GAS2: variants seen among roughly 807,000 people sequenced by gnomAD.
GAS2 encodes growth arrest specific 2, also known as growth arrest-specific protein 2.
In GAS2, 20 loss-of-function variants were observed where a neutral mutation model predicts 37.5. The ratio of observed to expected loss-of-function variants is 0.53; its 90% confidence interval spans 0.37 to 0.77. The LOEUF (loss-of-function observed/expected upper bound fraction) is 0.77, where lower values mean the gene tolerates loss of function less well. Ranked by LOEUF, GAS2 falls within the 30% of genes least tolerant of loss-of-function variation. GAS2 has a pLI of 0.00. For missense variants in GAS2, 336 were observed against 373.4 expected, an observed-to-expected ratio of 0.90 and a Z score of 0.82; for synonymous variants, 144 against 132.2, an observed-to-expected ratio of 1.09 and a Z score of -0.61.
intron 7 of GAS2, among the ~76,000 whole-genome samples, chr11:22,781,966 C>T (rs555523433): frequency 5.3e-5 from 8 of 152,222 alleles, no homozygotes; most frequent in African/African-American, 1.7e-4. Flanking sequence ...AAAATTGTTT[C>T]TTTATACTAA....
At chr11:22,626,141 T>G in intron 1 of GAS2, 1 of 255,986 alleles carries the variant, frequency 3.9e-6, no homozygotes, top group South Asian at 3.3e-5. Context: ...TAAGTAGAAA[T>G]TTTCTGAGCT....
At chr11:22,686,728 T>A (rs1849977853) in intron 3 of GAS2, among the ~76,000 whole-genome samples, 1 of 151,642 alleles carries the variant, frequency 6.6e-6, no homozygotes, top group African/African-American at 2.4e-5. Context: ...CCAGCCTGGG[T>A]GACAGAGTAG....
At chr11:22,660,018 A>C (rs190542876) in intron 1 of GAS2, among the ~76,000 whole-genome samples, 2 of 152,162 alleles carry the variant, frequency 1.3e-5, no homozygotes, top group African/African-American at 4.8e-5. Flanking sequence ...GGAAATGAGC[A>C]TATGTTCAAA....
In GAS2 at chr11:22,749,209, C is replaced by G. The variant is rs1853589259; in HGVS notation, c.563C>G (p.Pro188Arg). 1.9e-6 allele frequency: 3 copies of G among 1,612,592 alleles called. No homozygotes were observed. Among genetic ancestry groups the G allele is most frequent in the Non-Finnish European group, 2.5e-6 (3 of 1,179,142 alleles). The change falls in exon 6 of 8, where the codon CCT becomes CGT. Residue 188 changes from proline to arginine, a missense_variant. Pro to Arg is a moderately radical substitution (Grantham distance 103, BLOSUM62 -2). Transcript: ENST00000454584. ...TCTGCCCCTTCTCCTTCACCTTCTC[C>G]TTCATCAAAGTCTTCTGGAAAAAAG... is the stretch of plus-strand genomic sequence containing the variant. ...TLSAPSPSPS[P>R]SSKSSGKKST...
chr11:22,726,498 T>C (rs1203080422), intron 4 of GAS2, 65 bp downstream of exon 4: 2 of 1,464,208 alleles, frequency 1.4e-6, no homozygotes, highest in Non-Finnish European at 1.9e-6. Flanking sequence ...TTTGTCAGTA[T>C]AGCCATCAAA....
At chr11:22,802,553 G>A (rs557073141) in intron 7 of GAS2, among the ~76,000 whole-genome samples, 49 of 151,524 alleles carry the variant, frequency 3.2e-4, no homozygotes, top group Non-Finnish European at 5.2e-4. Flanking sequence ...GTAATGGATC[G>A]CCTTGACTTT....
At chr11:22,696,442 C>T (rs1453472499) in intron 3 of GAS2, among the ~76,000 whole-genome samples, 13 of 151,848 alleles carry the variant, frequency 8.6e-5, no homozygotes, top group African/African-American at 2.9e-4. Context: ...ATTTATAGTC[C>T]TTTGGGTATA....
intron 3 of GAS2, among the ~76,000 whole-genome samples, chr11:22,705,137 A>G (rs974382610): frequency 6.6e-6 from 1 of 151,970 alleles, no homozygotes; most frequent in Non-Finnish European, 1.5e-5. Flanking sequence ...ACAGCCTACA[A>G]GGCTCTATAT....
At chr11:22,722,574 T>G (rs1335816130) in intron 3 of GAS2, among the ~76,000 whole-genome samples, 2 of 151,968 alleles carry the variant, frequency 1.3e-5, no homozygotes, top group African/African-American at 4.8e-5. Flanking sequence ...ATTATTCATA[T>G]TCAGTAAGTT....
At chr11:22,790,665 G>A (rs1296703366) in intron 7 of GAS2, among the ~76,000 whole-genome samples, 2 of 143,204 alleles carry the variant, frequency 1.4e-5, no homozygotes, top group African/African-American at 2.6e-5. Context: ...GTTTCACCAT[G>A]TTGGCCAGGC....
intron 1 of GAS2, among the ~76,000 whole-genome samples, chr11:22,637,114 TATA>T (rs1419135176): frequency 8.6e-5 from 11 of 128,644 alleles, no homozygotes; most frequent in African/African-American, 2.7e-4. Flanking sequence ...ATTATATTAA[TATA>T]ATATTACTTA....
chr11:22,683,311 G>A (rs2133932580), intron 2 of GAS2, among the ~76,000 whole-genome samples: 1 of 152,172 alleles, frequency 6.6e-6, no homozygotes, highest in South Asian at 2.1e-4. Flanking sequence ...TGTCACCCAG[G>A]CTGCAGTGCA....
chr11:22,665,345 A>C (rs1848966454), upstream of GAS2, among the ~76,000 whole-genome samples: 1 of 152,176 alleles, frequency 6.6e-6, no homozygotes, highest in Non-Finnish European at 1.5e-5. Flanking sequence ...TTGATTTTTT[A>C]CTAAATTGTA....
At chr11:22,731,664 C>T (rs560163330) in intron 4 of GAS2, among the ~76,000 whole-genome samples, 3 of 151,646 alleles carry the variant, frequency 2.0e-5, no homozygotes, top group Non-Finnish European at 4.4e-5. Flanking sequence ...CTTAAAGTCA[C>T]GTGTTGCATC....
intron 7 of GAS2, among the ~76,000 whole-genome samples, chr11:22,756,300 AAAAAG>A (rs758839347): frequency 1.6e-4 from 25 of 152,232 alleles, no homozygotes; most frequent in Non-Finnish European, 2.9e-4. Context: ...TTTTTTTAAA[AAAAAG>A]AAAAGAAAAG....
intron 2 of GAS2, among the ~76,000 whole-genome samples, chr11:22,683,042 G>T (rs1849770534): frequency 1.3e-5 from 2 of 152,068 alleles, no homozygotes; most frequent in African/African-American, 4.8e-5. Flanking sequence ...CAGGCTACCT[G>T]TGTGGTGAGT....
chr11:22,771,966 C>A (rs1472124194), intron 7 of GAS2, among the ~76,000 whole-genome samples: 2 of 151,942 alleles, frequency 1.3e-5, no homozygotes, highest in African/African-American at 4.8e-5. Flanking sequence ...TCTGACAGTT[C>A]AATATAATTT....
chr11:22,805,235 G>A (rs1291527182), intron 7 of GAS2, among the ~76,000 whole-genome samples: 1 of 151,884 alleles, frequency 6.6e-6, no homozygotes, highest in East Asian at 1.9e-4. Flanking sequence ...ATATGTATTT[G>A]TTTAAATTGA....
chr11:22,752,725 A>G (rs1418284039), intron 6 of GAS2, among the ~76,000 whole-genome samples: 1 of 152,066 alleles, frequency 6.6e-6, no homozygotes, highest in Non-Finnish European at 1.5e-5. Context: ...GAGAGAAAGC[A>G]AAAGAAGCAG....
Sources: allele counts gnomAD v4.1 joint callset (sites outside exome capture counted in the v4.1 genomes callset), GRCh38; gene constraint gnomAD v4.1.1; transcripts MANE v1.5; gene names NCBI Gene and HGNC (gene_info 2026-07-23, HGNC 2026-07-21).